The following KIF5B variants were observed in gnomAD, a reference collection of about 807,000 sequenced individuals.
KIF5B encodes the protein kinesin family member 5B.
A neutral mutation model predicts 132.8 loss-of-function variants in KIF5B; 49 were observed. The observed-to-expected ratio is 0.37, with a 90% CI of 0.29 to 0.47. The LOEUF (loss-of-function observed/expected upper bound fraction) is 0.47, where lower values mean the gene tolerates loss of function less well. KIF5B is among the 20% of genes least tolerant of loss of function. KIF5B has a pLI of 1.00. For missense variants in KIF5B, 780 were observed against 1,144.0 expected, an observed-to-expected ratio of 0.68 and a Z score of 4.59; for synonymous variants, 355 against 369.4, an observed-to-expected ratio of 0.96 and a Z score of 0.45.
intron 14 of KIF5B, among the ~76,000 whole-genome samples, chr10:32,029,451 A>G (rs1841373291): frequency 6.6e-6 from 1 of 152,182 alleles, no homozygotes; most frequent in African/African-American, 2.4e-5. Flanking sequence ...TCTTTTAGTA[A>G]AGATGCCATC....
At chr10:32,016,915 C>G (rs1188497201) in intron 24 of KIF5B, among the ~76,000 whole-genome samples, 2 of 152,170 alleles carry the variant, frequency 1.3e-5, no homozygotes, top group Non-Finnish European at 2.9e-5. Context: ...TAATATTGCT[C>G]TATATAGTTT....
intron 2 of KIF5B, among the ~76,000 whole-genome samples, chr10:32,042,316 A>T (rs1325410416): frequency 2.0e-5 from 3 of 152,132 alleles, no homozygotes; most frequent in Non-Finnish European, 4.4e-5. Flanking sequence ...ATTTTAAGAG[A>T]CTCCAAACAT....
chr10:32,048,754 T>C (rs1841648982), intron 1 of KIF5B, among the ~76,000 whole-genome samples: 2 of 152,208 alleles, frequency 1.3e-5, no homozygotes, highest in Non-Finnish European at 2.9e-5. Context: ...AAGAATGGTC[T>C]TTAGTCTTTG....
intron 15 of KIF5B, among the ~76,000 whole-genome samples, chr10:32,026,463 T>TAAAAAAAAAA (rs1433003755): frequency 2.2e-4 from 13 of 58,040 alleles, no homozygotes; most frequent in Non-Finnish European, 3.2e-4. Flanking sequence ...AAAAAAAAAG[T>TAAAAAAAAAA]AACGCTCTAA....
At chr10:32,035,723 A>G in intron 9 of KIF5B, 56 bp from the exon 10 acceptor site, 1 of 1,503,512 alleles carries the variant, frequency 6.7e-7, no homozygotes, top group Non-Finnish European at 9.0e-7. Context: ...TGTTATTATA[A>G]AATAAACTCC....
intron 15 of KIF5B, among the ~76,000 whole-genome samples, chr10:32,025,833 C>A (rs1180516464): frequency 6.6e-6 from 1 of 152,188 alleles, no homozygotes; most frequent in Non-Finnish European, 1.5e-5. Context: ...ATGGAAGAAT[C>A]TTAAATGCAT....
chr10:32,024,085 C>T (rs1248749243), intron 15 of KIF5B, among the ~76,000 whole-genome samples: 1 of 127,332 alleles, frequency 7.9e-6, no homozygotes, highest in Non-Finnish European at 1.7e-5. Flanking sequence ...AAACAAGACA[C>T]AGAGAAATAA....
chr10:32,040,626 AACACACACACAC>A (rs72393080), intron 2 of KIF5B, among the ~76,000 whole-genome samples, 169 bp from the exon 3 acceptor site: 3 of 142,084 alleles, frequency 2.1e-5, no homozygotes, highest in African/African-American at 5.2e-5. Flanking sequence ...AACACCCTAA[AACACACACACAC>A]ACACACACAC....
In KIF5B at chr10:32,025,636, G is replaced by A. The variant is rs547515480; in HGVS notation, c.1726-2600C>T. On this transcript the variant is annotated intron_variant, in intron 15 of 25. Transcript: ENST00000302418. ...AGTGATCTGCCCGCCTCGGCCTCCCGAAGTGCTGGGATTACAGGCATGAGC... is the reference window on the plus strand; with the variant it reads ...AGTGATCTGCCCGCCTCGGCCTCCCAAAGTGCTGGGATTACAGGCATGAGC... Among the ~76,000 whole-genome samples, 15 of 94,716 alleles carry A rather than the reference G, an allele frequency of 1.6e-4. 1 individual carries two copies. The South Asian group carries it at 4.5e-3, about 28-fold the overall frequency. 62.1% of individuals were successfully genotyped at this position (94,716 alleles called of 152,430 possible). A position where few individuals can be genotyped will look rare whatever the true frequency, so the allele number is the denominator to read the frequency against.
intron 24 of KIF5B, 100 bp from the exon 25 acceptor site, chr10:32,015,759 TTTTG>T (rs1356624312): frequency 2.7e-5 from 28 of 1,035,592 alleles, no homozygotes; most frequent in Admixed American, 8.7e-5. Flanking sequence ...TTCCCAAATG[TTTTG>T]TTTTTCTTTG....
intron 11 of KIF5B, among the ~76,000 whole-genome samples, chr10:32,034,415 T>C (rs1287043770): frequency 3.3e-5 from 5 of 152,098 alleles, no homozygotes; most frequent in Non-Finnish European, 7.4e-5. Flanking sequence ...CCCAGCCTCG[T>C]TCTTTCAAAC....
chr10:32,043,098 G>A (rs1261329528), intron 2 of KIF5B, among the ~76,000 whole-genome samples: 2 of 152,084 alleles, frequency 1.3e-5, no homozygotes, highest in East Asian at 3.9e-4. Context: ...CCGCCTCCCA[G>A]GTTCAAGCAA....
At chr10:32,051,213 C>G (rs1841690126) in intron 1 of KIF5B, among the ~76,000 whole-genome samples, 3 of 152,164 alleles carry the variant, frequency 2.0e-5, no homozygotes, top group Admixed American at 1.3e-4. Context: ...CATGTGCCAC[C>G]ACGCCTGGCT....
chr10:32,028,397 A>AT, intron 15 of KIF5B, 31 bp downstream of exon 15: 1 of 1,563,736 alleles, frequency 6.4e-7, no homozygotes, highest in Non-Finnish European at 8.8e-7. Flanking sequence ...TATACAGATA[A>AT]TTGTCCTTAA....
At chr10:32,040,339 G>A (rs746799446) in intron 3 of KIF5B, 45 bp downstream of exon 3, 1 of 1,055,532 alleles carries the variant, frequency 9.5e-7, no homozygotes, top group Non-Finnish European at 1.5e-6. Context: ...AATGAATGCT[G>A]TATGTATTGC....
At position 32,031,198 on chromosome 10, in the gene KIF5B, C is replaced by A. The variant is rs1272628481; in HGVS notation, c.1456G>T (p.Glu486Ter). 2 of 1,613,978 alleles carry A rather than the reference C, an allele frequency of 1.2e-6. No individual in the cohort carries two copies. The highest frequency in any genetic ancestry group is 3.3e-5 in the Admixed American group (2 of 60,026). Residue 486 changes from glutamate (E) to a stop codon, truncating the protein, a stop_gained, in exon 14 of 26, where the codon GAA becomes TAA. Transcript: ENST00000302418. LOFTEE classifies it high-confidence loss of function. ...GCCTGTAAAACTTCTTTCACTTCTT[C>A]TTTAGAGGCATCATTTTCTGCTTGA... Reference protein sequence around the residue: ...RLQAENDASKEEVKEVLQALE... With the variant: ...RLQAENDASK
chr10:32,048,319 C>T, intron 2 of KIF5B, 145 bp downstream of exon 2: 1 of 572,358 alleles, frequency 1.7e-6, no homozygotes, highest in South Asian at 2.2e-5. Flanking sequence ...TTGTGTTTGA[C>T]CTTTTTATTA....
At chr10:32,044,862 C>CT (rs1301649238) in intron 2 of KIF5B, among the ~76,000 whole-genome samples, 1 of 152,108 alleles carries the variant, frequency 6.6e-6, no homozygotes, top group African/African-American at 2.4e-5. Flanking sequence ...CTAGGACTGT[C>CT]TGATTCTAAA....
At chr10:32,028,669 G>A (rs757239009) in intron 14 of KIF5B, 98 bp from the exon 15 acceptor site, 17 of 993,034 alleles carry the variant, frequency 1.7e-5, no homozygotes, top group South Asian at 1.0e-4. Flanking sequence ...AAGCCCTTAC[G>A]AAACCATGTC....
Sources: allele counts gnomAD v4.1 joint callset (sites outside exome capture counted in the v4.1 genomes callset), GRCh38; gene constraint gnomAD v4.1.1; transcripts MANE v1.5; gene names NCBI Gene and HGNC (gene_info 2026-07-23, HGNC 2026-07-21).